CASP4: variants seen among roughly 807,000 people sequenced by gnomAD.
CASP4 encodes the protein caspase 4.
Under a neutral mutation model 41.3 loss-of-function variants are expected in CASP4, and 29 were observed. The observed-to-expected ratio is 0.70, with a 90% CI of 0.52 to 0.96. CASP4 has a LOEUF of 0.96. Ranked by LOEUF, CASP4 falls within the 40% of genes least tolerant of loss-of-function variation. CASP4 has a pLI of 0.00. For missense variants in CASP4, 447 were observed against 460.6 expected, an observed-to-expected ratio of 0.97 and a Z score of 0.27; for synonymous variants, 185 against 158.4, an observed-to-expected ratio of 1.17 and a Z score of -1.26.
chr11:104,949,748 A>G lies in CASP4; in HGVS notation c.576T>C (p.Ala192=), dbSNP rs777592271. The G allele has an allele frequency of 6.2e-7, 1 of 1,613,880 alleles. No individual in the cohort carries two copies. The highest frequency in any genetic ancestry group is 8.5e-7 in the Non-Finnish European group (1 of 1,179,868). The change falls in exon 5 of 9, where the codon GCT becomes GCC. Residue 192 remains alanine, a synonymous_variant. Coordinates refer to ENST00000444739, the MANE Select transcript of CASP4 (RefSeq NM_001225.4). ...RDMESALRAF[A]TRPEHKSSDS... ...CAGAGGACTTGTGCTCTGGTCTGGT[A>G]GCAAATGCCCTCAGCGCTGACTCCA... is the stretch of plus-strand genomic sequence containing the variant.
At chr11:104,951,788 T>G in intron 3 of CASP4, 108 bp downstream of exon 3, 1 of 744,170 alleles carries the variant, frequency 1.3e-6, no homozygotes, top group Non-Finnish European at 2.4e-6. Flanking sequence ...TTGAAAATGG[T>G]TACTGTCATC....
chr11:104,947,970 A>G (rs1273840335), intron 6 of CASP4: 2 of 152,220 alleles, frequency 1.3e-5, no homozygotes, highest in East Asian at 3.8e-4. Context: ...ATGTAACATT[A>G]TGTATGTCAA....
At chr11:104,956,685 C>T (rs1860744711) in intron 1 of CASP4, 1 of 982,258 alleles carries the variant, frequency 1.0e-6, no homozygotes, top group South Asian at 4.7e-5. Flanking sequence ...CAGGTGAGAT[C>T]ACAAAGGCTT....
chr11:104,966,150 A>G (rs1860970354), intron 1 of CASP4, among the ~76,000 whole-genome samples: 2 of 152,184 alleles, frequency 1.3e-5, no homozygotes. Flanking sequence ...CGCCATTGCA[A>G]TTCCCCTGTC....
At chr11:104,965,566 T>C (rs989139159) in intron 1 of CASP4, among the ~76,000 whole-genome samples, 2 of 152,246 alleles carry the variant, frequency 1.3e-5, no homozygotes, top group Non-Finnish European at 2.9e-5. Flanking sequence ...TCTATCTTGC[T>C]TCTATCCCTT....
chr11:104,948,022 A>C (rs1239998720), intron 6 of CASP4: 1 of 152,220 alleles, frequency 6.6e-6, no homozygotes, highest in Non-Finnish European at 1.5e-5. Context: ...AGATTTAAAA[A>C]TATACAAATC....
intron 1 of CASP4, among the ~76,000 whole-genome samples, chr11:104,966,455 ATAT>A (rs1294309489): frequency 6.6e-6 from 1 of 152,220 alleles, no homozygotes; most frequent in African/African-American, 2.4e-5. Flanking sequence ...AAAATGAAAA[ATAT>A]TATAAGAATG....
chr11:104,967,489 A>G (rs566604237), intron 1 of CASP4, among the ~76,000 whole-genome samples: 1 of 152,302 alleles, frequency 6.6e-6, no homozygotes, highest in East Asian at 1.9e-4. Context: ...AGTAAAAAAG[A>G]GAAAAGGCAA....
At chr11:104,961,118 A>G (rs1035822570) in intron 1 of CASP4, among the ~76,000 whole-genome samples, 1 of 152,250 alleles carries the variant, frequency 6.6e-6, no homozygotes, top group Non-Finnish European at 1.5e-5. Flanking sequence ...CCAGCGATGG[A>G]TCCAGAAGGT....
intron 1 of CASP4, among the ~76,000 whole-genome samples, chr11:104,962,378 C>A (rs978484373): frequency 2.6e-5 from 4 of 152,106 alleles, no homozygotes; most frequent in Non-Finnish European, 5.9e-5. Flanking sequence ...CTATATGTTT[C>A]TCTGTAAAGT....
chr11:104,956,906 T>C (rs1183100953), intron 1 of CASP4, among the ~76,000 whole-genome samples: 1 of 152,046 alleles, frequency 6.6e-6, no homozygotes, highest in Admixed American at 6.6e-5. Flanking sequence ...GCAATAAAAT[T>C]GAAGAGTTTT....
intron 5 of CASP4, chr11:104,948,920 A>C (rs1394210033): frequency 5.0e-5 from 16 of 318,032 alleles, no homozygotes; most frequent in African/African-American, 2.1e-4. Context: ...TCTAGAAAAA[A>C]AATCTGTTTT....
intron 1 of CASP4, among the ~76,000 whole-genome samples, chr11:104,958,429 A>G (rs533648938): frequency 6.6e-4 from 101 of 152,204 alleles, no homozygotes; most frequent in Non-Finnish European, 1.3e-3. Flanking sequence ...AAACAATTCA[A>G]TAGAAAGAAA....
At chr11:104,943,655 TC>T (rs1860379828) in intron 8 of CASP4, 1 of 152,208 alleles carries the variant, frequency 6.6e-6, no homozygotes. Context: ...GTGTAAGAAA[TC>T]TATTTACGTT....
At chr11:104,946,831 C>T in intron 7 of CASP4, 1 of 254,696 alleles carries the variant, frequency 3.9e-6, no homozygotes, top group Non-Finnish European at 7.4e-6. Flanking sequence ...ATTTTTCCTT[C>T]TCTAAAACTT....
intron 7 of CASP4, among the ~76,000 whole-genome samples, chr11:104,946,216 C>T (rs1368516093): frequency 6.6e-6 from 1 of 152,148 alleles, no homozygotes; most frequent in African/African-American, 2.4e-5. Context: ...CTGTTCTCTA[C>T]AATTTTTACT....
chr11:104,952,195 C>G, intron 2 of CASP4, 190 bp from the exon 3 acceptor site: 1 of 558,972 alleles, frequency 1.8e-6, no homozygotes, highest in South Asian at 2.4e-5. Flanking sequence ...CAGATCCACC[C>G]AAACATGTAA....
rs1860549262 is a variant in CASP4 at position 104,949,447 on chromosome 11, A to G, written c.781+96T>C. ...ATTCAATGTACTTTATTTACACTGG[A>G]TGAGGTTTAAGAATGTTGCCCCTAA... On this transcript the variant is annotated intron_variant, in intron 5 of 8. Transcript: ENST00000444739. 1.4e-5 allele frequency: 18 copies of G among 1,258,060 alleles called. No homozygotes were observed. The South Asian group carries it at 2.0e-4, about 14-fold the overall frequency. The allele number at this position is 1,258,060 out of a possible 1,614,324, so 77.9% of individuals were successfully genotyped here. A position where few individuals can be genotyped will look rare whatever the true frequency, so the allele number is the denominator to read the frequency against.
intron 1 of CASP4, among the ~76,000 whole-genome samples, chr11:104,966,763 A>C (rs1860984764): frequency 6.6e-6 from 1 of 152,202 alleles, no homozygotes; most frequent in African/African-American, 2.4e-5. Context: ...ATGTTTGCAG[A>C]AAGTTAGATT....
Sources: gnomAD v4.1 joint callset for allele counts (sites outside exome capture counted in the v4.1 genomes callset) on GRCh38, gnomAD v4.1.1 for gene constraint, MANE v1.5 for transcripts, NCBI Gene and HGNC (gene_info 2026-07-23, HGNC 2026-07-21) for gene names.